The following BMPR1B variants were observed in gnomAD, a reference collection of about 807,000 sequenced individuals.
BMPR1B encodes the protein bone morphogenetic protein receptor type 1B.
BMPR1B carries 12 observed loss-of-function variants against 59.1 expected under a neutral mutation model. That is an observed-to-expected ratio of 0.20 (90% CI 0.13 to 0.33). The LOEUF (loss-of-function observed/expected upper bound fraction) is 0.33, where lower values mean the gene tolerates loss of function less well. Ranked by LOEUF, BMPR1B falls within the 10% of genes least tolerant of loss-of-function variation. BMPR1B has a pLI of 1.00. For missense variants in BMPR1B, 550 were observed against 610.9 expected (o/e 0.90, Z 1.05); for synonymous variants, 237 against 207.3 (o/e 1.14, Z -1.23).
chr4:95,068,884 C>A (rs959152583), intron 3 of BMPR1B, among the ~76,000 whole-genome samples: 1 of 152,166 alleles, frequency 6.6e-6, no homozygotes, highest in Non-Finnish European at 1.5e-5. Flanking sequence ...CAAGTCCTCA[C>A]TTAATGTTGT....
intron 1 of BMPR1B, among the ~76,000 whole-genome samples, chr4:94,857,800 T>A (rs1725819349): frequency 6.6e-6 from 1 of 152,232 alleles, no homozygotes; most frequent in African/African-American, 2.4e-5. Flanking sequence ...CAACACTTTT[T>A]TTAGTGGAAT....
intron 3 of BMPR1B, among the ~76,000 whole-genome samples, chr4:95,090,543 C>T (rs1280058305): frequency 6.6e-6 from 1 of 151,882 alleles, no homozygotes; most frequent in Non-Finnish European, 1.5e-5. Flanking sequence ...ATCAGCAGAC[C>T]TTTTATGACA....
chr4:95,071,339 G>C, intron 3 of BMPR1B, among the ~76,000 whole-genome samples: 1 of 151,996 alleles, frequency 6.6e-6, no homozygotes, highest in Admixed American at 6.6e-5. Context: ...AGATGAGAAA[G>C]ATACTGCCCA....
chr4:95,027,620 CTTTCCACATAGGCAGT>C (rs1185027511), intron 3 of BMPR1B, among the ~76,000 whole-genome samples: 6 of 152,166 alleles, frequency 3.9e-5, no homozygotes. Context: ...TTTCAAGGTA[CTTTCCACATAGGCAGT>C]CTTCAGTTTG....
At chr4:95,034,802 G>T (rs1268558833) in intron 3 of BMPR1B, among the ~76,000 whole-genome samples, 1 of 152,014 alleles carries the variant, frequency 6.6e-6, no homozygotes, top group Admixed American at 6.6e-5. Context: ...CACAGGAGCG[G>T]TATTGCTGGA....
intron 10 of BMPR1B, among the ~76,000 whole-genome samples, chr4:95,137,861 A>C (rs555399602): frequency 6.6e-6 from 1 of 151,988 alleles, no homozygotes; most frequent in African/African-American, 2.4e-5. Context: ...TCTTTATCCA[A>C]TTTGCCAGTC....
intron 1 of BMPR1B, among the ~76,000 whole-genome samples, chr4:94,844,088 G>T (rs1725215625): frequency 6.6e-6 from 1 of 152,214 alleles, no homozygotes; most frequent in African/African-American, 2.4e-5. Context: ...GAGATCTCAT[G>T]TGCAGCATGG....
chr4:95,125,181 A>G (rs1364575890), intron 8 of BMPR1B, 60 bp downstream of exon 8: 2 of 1,599,010 alleles, frequency 1.3e-6, no homozygotes, highest in Non-Finnish European at 1.7e-6. Flanking sequence ...CTGTCAATGA[A>G]TATGGGGTTT....
intron 3 of BMPR1B, among the ~76,000 whole-genome samples, chr4:95,019,054 C>T (rs1387266544): frequency 6.6e-6 from 1 of 151,996 alleles, no homozygotes; most frequent in Non-Finnish European, 1.5e-5. Context: ...GTTCACTGGT[C>T]AAGGGAAGTT....
At chr4:94,791,136 G>A (rs1029695344) in intron 1 of BMPR1B, among the ~76,000 whole-genome samples, 18 of 151,986 alleles carry the variant, frequency 1.2e-4, no homozygotes, top group African/African-American at 4.3e-4. Flanking sequence ...GATTACAGGC[G>A]TACCACCACG....
Position 94,968,606 on chromosome 4 carries a change from G to A in BMPR1B, c.-112-27434G>A, listed in dbSNP as rs549648282. On this transcript the variant is annotated intron_variant, in intron 2 of 12. Coordinates refer to ENST00000515059, the MANE Select transcript of BMPR1B (RefSeq NM_001203.3). ...TTATACTTCTTAATTTAGTTTTGACGTTGACCCTTATGCTACAACTTTCCA... is the reference window on the plus strand; with the variant it reads ...TTATACTTCTTAATTTAGTTTTGACATTGACCCTTATGCTACAACTTTCCA... Among the ~76,000 whole-genome samples the A allele has an allele frequency of 3.9e-5, 6 of 152,180 alleles. No homozygotes were observed. The South Asian group carries it at 8.3e-4, about 21-fold the overall frequency.
intron 4 of BMPR1B, among the ~76,000 whole-genome samples, chr4:95,113,437 T>G (rs916531529): frequency 2.0e-5 from 3 of 152,162 alleles, no homozygotes; most frequent in African/African-American, 7.2e-5. Context: ...GGCTAACATA[T>G]AGCAGCATGC....
At chr4:95,112,683 C>T (rs1432393920) in intron 4 of BMPR1B, among the ~76,000 whole-genome samples, 1 of 151,946 alleles carries the variant, frequency 6.6e-6, no homozygotes, top group Non-Finnish European at 1.5e-5. Context: ...TCAGGGTCTC[C>T]CCTCTTTATA....
chr4:94,814,066 G>T (rs1253228853), intron 1 of BMPR1B, among the ~76,000 whole-genome samples: 1 of 152,152 alleles, frequency 6.6e-6, no homozygotes, highest in East Asian at 1.9e-4. Flanking sequence ...AATATGTTGT[G>T]ATTATATTTG....
At chr4:95,028,419 T>G (rs560749666) in intron 3 of BMPR1B, among the ~76,000 whole-genome samples, 5 of 152,148 alleles carry the variant, frequency 3.3e-5, no homozygotes, top group Admixed American at 6.6e-5. Context: ...CAAGGTTCAT[T>G]ATACTACCAA....
At chr4:94,781,095 A>G (rs1208464872) in intron 1 of BMPR1B, among the ~76,000 whole-genome samples, 1 of 152,166 alleles carries the variant, frequency 6.6e-6, no homozygotes, top group Non-Finnish European at 1.5e-5. Context: ...GCATGTTTTC[A>G]TGTGCTTATT....
intron 3 of BMPR1B, among the ~76,000 whole-genome samples, chr4:95,071,951 A>G (rs909450130): frequency 6.6e-6 from 1 of 151,978 alleles, no homozygotes; most frequent in East Asian, 1.9e-4. Context: ...ATGTGTGTAA[A>G]GAGATTTATT....
intron 2 of BMPR1B, among the ~76,000 whole-genome samples, chr4:94,924,516 G>A (rs1020400415): frequency 2.2e-4 from 33 of 152,110 alleles, no homozygotes; most frequent in Non-Finnish European, 1.5e-4. Flanking sequence ...AAAGAGTGGG[G>A]ACAGAAGCCT....
chr4:94,912,801 G>C (rs181957168), intron 2 of BMPR1B, among the ~76,000 whole-genome samples: 116 of 152,238 alleles, frequency 7.6e-4, no homozygotes, highest in African/African-American at 2.8e-3. Flanking sequence ...CTCTTCAGCT[G>C]ATTTGAGTGT....
Sources: allele counts gnomAD v4.1 joint callset (sites outside exome capture counted in the v4.1 genomes callset), GRCh38; gene constraint gnomAD v4.1.1; transcripts MANE v1.5; gene names NCBI Gene and HGNC (gene_info 2026-07-23, HGNC 2026-07-21).